The following PCDHA1 variants were observed in gnomAD, a reference collection of about 807,000 sequenced individuals.
PCDHA1 encodes protocadherin alpha-1.
In PCDHA1, 42 loss-of-function variants were observed where a neutral mutation model predicts 61.3. That is an observed-to-expected ratio of 0.69 (90% CI 0.54 to 0.89). The LOEUF (loss-of-function observed/expected upper bound fraction) is 0.89, where lower values mean the gene tolerates loss of function less well. PCDHA1 is among the 40% of genes least tolerant of loss of function. The probability of loss-of-function intolerance (pLI) is 0.00; values close to 1 mark genes in which losing one functional copy is unlikely to be tolerated. For synonymous variants in PCDHA1, 610 were observed against 553.8 expected (o/e 1.10, Z -1.43); for missense variants, 1,256 against 1,235.3 (o/e 1.02, Z -0.25).
At chr5:140,794,171 C>T (rs1761837630) in intron 1 of PCDHA1, among the ~76,000 whole-genome samples, 1 of 152,160 alleles carries the variant, frequency 6.6e-6, no homozygotes, top group Non-Finnish European at 1.5e-5. Context: ...ATATGTTGGA[C>T]TATTATTCAG....
chr5:140,815,739 C>T (rs1177563989), intron 1 of PCDHA1: 1 of 152,090 alleles, frequency 6.6e-6, no homozygotes, highest in Non-Finnish European at 1.5e-5. Flanking sequence ...TCAAAAGGCC[C>T]CCTCTTAACA....
At chr5:140,928,208 A>G in intron 1 of PCDHA1, 1 of 1,614,228 alleles carries the variant, frequency 6.2e-7, no homozygotes, top group Non-Finnish European at 8.5e-7. Context: ...GCTGATGTGA[A>G]TGACAATACA....
At position 140,886,151 on chromosome 5, in the gene PCDHA1, T is replaced by G. The variant is rs184205776; in HGVS notation, c.2395-92798T>G. Reference sequence around the variant, plus strand: ...ACAACCAGATTCTTGATATCACCTTTTTATAGCCACATCTGCTTCCCTGCC... The same window carrying G: ...ACAACCAGATTCTTGATATCACCTTGTTATAGCCACATCTGCTTCCCTGCC... On this transcript the variant is annotated intron_variant, in intron 1 of 3. Coordinates refer to ENST00000504120, the MANE Select transcript of PCDHA1 (RefSeq NM_018900.4). Among the ~76,000 whole-genome samples, 468 of 152,312 alleles carry G rather than the reference T, an allele frequency of 3.1e-3. 3 individuals are homozygous for G. Among genetic ancestry groups the G allele is most frequent in the Middle Eastern group, 0.014 (4 of 294 alleles).
intron 1 of PCDHA1, chr5:140,930,452 G>A (rs2086853363): frequency 6.6e-6 from 1 of 151,826 alleles, no homozygotes; most frequent in Non-Finnish European, 1.5e-5. Flanking sequence ...CAAACTCCTA[G>A]CCTCAAGTGA....
At chr5:140,904,125 C>G (rs2070849198) in intron 1 of PCDHA1, among the ~76,000 whole-genome samples, 1 of 151,972 alleles carries the variant, frequency 6.6e-6, no homozygotes, top group East Asian at 1.9e-4. Flanking sequence ...TTTTGGTGCA[C>G]CCATCACCCG....
At position 140,786,690 on chromosome 5, in the gene PCDHA1, A is replaced by G. The variant is rs1554117514; in HGVS notation, c.400A>G (p.Arg134Gly). 7 of 1,614,118 alleles carry G rather than the reference A, an allele frequency of 4.3e-6. No individual in the cohort carries two copies. In the Admixed American group the frequency reaches 8.3e-5, roughly 19 times the overall value. Residue 134 changes from arginine to glycine, a missense_variant, in exon 1 of 4, where the codon AGG becomes GGG. Transcript: ENST00000504120. ...KDINDNPPVF[R>G]GREQIIFIPE... ...CATTAACGATAATCCACCCGTCTTC[A>G]GGGGCAGAGAACAAATAATATTTAT...
intron 1 of PCDHA1, chr5:140,968,106 C>A: frequency 6.2e-7 from 1 of 1,614,134 alleles, no homozygotes; most frequent in Non-Finnish European, 8.5e-7. Flanking sequence ...GGGGGAATAC[C>A]GCAGCTCACA....
In PCDHA1 at chr5:140,791,232, G is replaced by A. The variant is rs368538334; in HGVS notation, c.2394+2548G>A. Among the ~76,000 whole-genome samples, 43 of 152,320 alleles carry A rather than the reference G, an allele frequency of 2.8e-4. 1 individual carries two copies. In the East Asian group the frequency reaches 6.6e-3, roughly 23 times the overall value. ...CTTTTCTGTTATTTTGAGGTAGCAC[G>A]ATTGTGTAATTTCCTTTGGCCAATG... is the stretch of plus-strand genomic sequence containing the variant. On this transcript the variant is annotated intron_variant, in intron 1 of 3. Transcript: ENST00000504120.
intron 1 of PCDHA1, among the ~76,000 whole-genome samples, chr5:140,872,716 A>G (rs1309493361): frequency 6.6e-6 from 1 of 152,266 alleles, no homozygotes; most frequent in Non-Finnish European, 1.5e-5. Context: ...AACTAGGTAA[A>G]TAAAATTATT....
intron 1 of PCDHA1, among the ~76,000 whole-genome samples, chr5:140,961,545 C>A (rs1486984950): frequency 6.6e-6 from 1 of 152,146 alleles, no homozygotes; most frequent in Non-Finnish European, 1.5e-5. Flanking sequence ...GTTCCTGCAG[C>A]ATTTCTTTTT....
At chr5:140,892,945 T>C (rs1554185456) in intron 1 of PCDHA1, among the ~76,000 whole-genome samples, 3 of 152,336 alleles carry the variant, frequency 2.0e-5, no homozygotes, top group South Asian at 2.1e-4. Flanking sequence ...AGCACAATAC[T>C]ACTTCCATGA....
rs150962684 is a variant in PCDHA1, at chr5:140,829,379, G to C, written c.2394+40695G>C. 448 of 1,614,186 alleles carry C rather than the reference G, an allele frequency of 2.8e-4. 2 individuals carry two copies. The African/African-American group carries it at 5.6e-3, about 20-fold the overall frequency. On this transcript the variant is annotated intron_variant, in intron 1 of 3. Transcript: ENST00000504120. ...TGAGTTGGTGGTAACCGCGCGGGACGGGGGCTCGCCTTCGCTGTGGGCCAC... is the reference window on the plus strand; with the variant it reads ...TGAGTTGGTGGTAACCGCGCGGGACCGGGGCTCGCCTTCGCTGTGGGCCAC...
At chr5:140,849,557 G>T (rs2150440607) in intron 1 of PCDHA1, 4 of 1,598,482 alleles carry the variant, frequency 2.5e-6, no homozygotes, top group Non-Finnish European at 3.4e-6. Context: ...CTATCAAAAC[G>T]CTCTCGGTTC....
chr5:140,866,758 A>T (rs1554160534), intron 1 of PCDHA1: 1 of 152,196 alleles, frequency 6.6e-6, no homozygotes, highest in Non-Finnish European at 1.5e-5. Flanking sequence ...CTAACAGGAC[A>T]TACAGGCAGA....
At chr5:140,836,354 C>T in intron 1 of PCDHA1, 2 of 1,613,672 alleles carry the variant, frequency 1.2e-6, no homozygotes, top group South Asian at 1.1e-5. Flanking sequence ...ACGGGGAGCC[C>T]TCGCTGACAG....
chr5:140,882,072 T>A (rs1340000642), intron 1 of PCDHA1: 5 of 861,462 alleles, frequency 5.8e-6, no homozygotes, highest in Non-Finnish European at 7.0e-6. Flanking sequence ...TTCATGCGCA[T>A]GGTGTCGCTC....
chr5:140,796,269 G>A (rs373724860), intron 1 of PCDHA1: 20 of 1,613,998 alleles, frequency 1.2e-5, no homozygotes, highest in Non-Finnish European at 1.6e-5. Flanking sequence ...CGCCTTCACT[G>A]TGGGCCACCA....
At chr5:140,978,405 A>G (rs919688095) in intron 1 of PCDHA1, among the ~76,000 whole-genome samples, 1 of 152,220 alleles carries the variant, frequency 6.6e-6, no homozygotes, top group Non-Finnish European at 1.5e-5. Context: ...TCCCTCTTCA[A>G]TCAGAAAAGA....
intron 1 of PCDHA1, chr5:140,795,239 G>A (rs781896269): frequency 1.9e-6 from 3 of 1,614,278 alleles, no homozygotes; most frequent in Non-Finnish European, 2.5e-6. Context: ...CGGATCGACC[G>A]GGAGGAGCTG....
Sources: allele counts gnomAD v4.1 joint callset (sites outside exome capture counted in the v4.1 genomes callset), GRCh38; gene constraint gnomAD v4.1.1; transcripts MANE v1.5; gene names NCBI Gene and HGNC (gene_info 2026-07-23, HGNC 2026-07-21).